Variants in CADPS2 observed in about 807,000 individuals in gnomAD.
The protein encoded by CADPS2 is calcium-dependent secretion activator 2.
A neutral mutation model predicts 172.5 loss-of-function variants in CADPS2; 93 were observed. That is an observed-to-expected ratio of 0.54 (90% CI 0.46 to 0.64). CADPS2 has a LOEUF of 0.64. CADPS2 is among the 30% of genes least tolerant of loss of function. CADPS2 has a pLI of 0.00. For synonymous variants in CADPS2, 546 were observed against 555.2 expected (o/e 0.98, Z 0.23); for missense variants, 1,420 against 1,565.9 (o/e 0.91, Z 1.57).
chr7:122,480,345 A>T (rs1001304480), intron 12 of CADPS2, among the ~76,000 whole-genome samples: 17 of 129,672 alleles, frequency 1.3e-4, no homozygotes, highest in Non-Finnish European at 2.5e-4. Flanking sequence ...TTTTTTAAAA[A>T]ATAAGCTTCT....
intron 1 of CADPS2, among the ~76,000 whole-genome samples, chr7:122,764,623 G>A (rs1040198263): frequency 3.3e-5 from 5 of 152,102 alleles, no homozygotes; most frequent in African/African-American, 9.7e-5. Context: ...CAGAGAGGGA[G>A]AGGAAAGAGT....
intron 25 of CADPS2, among the ~76,000 whole-genome samples, chr7:122,374,683 T>C (rs2042145195): frequency 6.6e-6 from 1 of 151,808 alleles, no homozygotes; most frequent in African/African-American, 2.4e-5. Context: ...CGAGAAAACA[T>C]GGACACAGGG....
At chr7:122,484,256 CTAACTG>C (rs1438364792) in intron 11 of CADPS2, among the ~76,000 whole-genome samples, 1 of 152,054 alleles carries the variant, frequency 6.6e-6, no homozygotes, top group Non-Finnish European at 1.5e-5. Flanking sequence ...CTTGGACTAC[CTAACTG>C]TAAGATTTAC....
chr7:122,872,808 GA>G (rs1048974441), intron 1 of CADPS2, among the ~76,000 whole-genome samples: 6 of 151,624 alleles, frequency 4.0e-5, no homozygotes, highest in Non-Finnish European at 4.4e-5. Context: ...TGCAGATCCA[GA>G]AAAAAAATTT....
chr7:122,527,617 A>AGAGAGAGAGAGAGAGAGAGTGTGTGT, intron 8 of CADPS2, among the ~76,000 whole-genome samples: 23 of 83,880 alleles, frequency 2.7e-4, no homozygotes, highest in Non-Finnish European at 5.0e-4. Flanking sequence ...AGAGAGAGAG[A>AGAGAGAGAGAGAGAGAGAGTGTGTGT]GTGTGTGTGT....
At chr7:122,705,430 A>AATATAAAT (rs2086840628) in intron 2 of CADPS2, among the ~76,000 whole-genome samples, 1 of 139,408 alleles carries the variant, frequency 7.2e-6, no homozygotes, top group South Asian at 2.1e-4. Flanking sequence ...GATAATATAT[A>AATATAAAT]ATATGTAATA....
At chr7:122,512,300 G>A (rs2060060594) in intron 9 of CADPS2, among the ~76,000 whole-genome samples, 1 of 152,048 alleles carries the variant, frequency 6.6e-6, no homozygotes, top group South Asian at 2.1e-4. Flanking sequence ...TTCTGATCTA[G>A]TCCAGTTAAG....
At chr7:122,379,876 T>C (rs2042785988) in intron 24 of CADPS2, among the ~76,000 whole-genome samples, 1 of 152,174 alleles carries the variant, frequency 6.6e-6, no homozygotes, top group South Asian at 2.1e-4. Context: ...TTAAATGTGC[T>C]CTAGAAATAA....
At position 122,689,319 on chromosome 7, in the gene CADPS2, G is replaced by C. The variant is rs369412508; in HGVS notation, c.454-25750C>G. On this transcript the variant is annotated intron_variant, in intron 2 of 29. Transcript: ENST00000449022. Reference sequence around the variant, plus strand: ...CCTACAAGGGCACAAGTGCCACCTTGGGCAGCTGTGGCTATGTCTAAGGCC... The same window carrying C: ...CCTACAAGGGCACAAGTGCCACCTTCGGCAGCTGTGGCTATGTCTAAGGCC... 1.2e-4 allele frequency among the ~76,000 whole-genome samples: 18 copies of C among 152,234 alleles called. No individual in the cohort carries two copies. In the East Asian group the frequency reaches 3.5e-3, roughly 29 times the overall value.
At chr7:122,343,271 C>T (rs899424220) in intron 28 of CADPS2, among the ~76,000 whole-genome samples, 4 of 152,154 alleles carry the variant, frequency 2.6e-5, no homozygotes, top group South Asian at 2.1e-4. Flanking sequence ...AGTGTTCTAC[C>T]GGGGATATTC....
intron 1 of CADPS2, among the ~76,000 whole-genome samples, chr7:122,788,349 G>A (rs1049745428): frequency 4.6e-5 from 7 of 152,122 alleles, no homozygotes; most frequent in African/African-American, 1.4e-4. Flanking sequence ...AAATGGCCTC[G>A]ATTTATCACC....
At position 122,513,317 on chromosome 7, in the gene CADPS2, T is replaced by C; in HGVS notation, c.1476-2A>G. On this transcript the variant is annotated splice_acceptor_variant, in intron 8 of 29. Coordinates refer to ENST00000449022, the MANE Select transcript of CADPS2 (RefSeq NM_017954.11). LOFTEE classifies it high-confidence loss of function. ...TTCTGTCCAAGGGCATACAGATATC[T>C]GGAAAGAAAAACAAAAGCCAAAGAA... The C allele has an allele frequency of 6.4e-7, 1 of 1,554,408 alleles. No homozygotes were observed. Among genetic ancestry groups the C allele is most frequent in the Non-Finnish European group, 8.7e-7 (1 of 1,147,288 alleles).
At chr7:122,383,765 T>TG (rs2043288557) in intron 24 of CADPS2, among the ~76,000 whole-genome samples, 1 of 152,126 alleles carries the variant, frequency 6.6e-6, no homozygotes. Context: ...GCTAATCAGA[T>TG]GCCAGTGAAT....
In CADPS2 at chr7:122,602,472, T is replaced by C. The variant is rs191179964; in HGVS notation, c.1223+12709A>G. On this transcript the variant is annotated intron_variant, in intron 6 of 29. Coordinates refer to ENST00000449022, the MANE Select transcript of CADPS2 (RefSeq NM_017954.11). ...TAGCATGAATATAAAAATGGAAATA[T>C]AATACATTGTATTGACTTTGTGCTA... is the stretch of plus-strand genomic sequence containing the variant. 1.8e-4 allele frequency among the ~76,000 whole-genome samples: 28 copies of C among 152,198 alleles called. No individual in the cohort carries two copies. The East Asian group carries it at 5.2e-3, about 28-fold the overall frequency.
At chr7:122,550,010 A>G (rs2064058425) in intron 8 of CADPS2, among the ~76,000 whole-genome samples, 1 of 152,162 alleles carries the variant, frequency 6.6e-6, no homozygotes, top group African/African-American at 2.4e-5. Flanking sequence ...AAACTTTACT[A>G]GAGTGCAGTC....
At position 122,565,621 on chromosome 7, in the gene CADPS2, T is replaced by A. The variant is rs945356302; in HGVS notation, c.1336-10932A>T. 2.6e-5 allele frequency among the ~76,000 whole-genome samples: 4 copies of A among 152,170 alleles called. No individual in the cohort carries two copies. In the East Asian group the frequency reaches 7.7e-4, roughly 29 times the overall value. On this transcript the variant is annotated intron_variant, in intron 7 of 29. Coordinates refer to ENST00000449022, the MANE Select transcript of CADPS2 (RefSeq NM_017954.11). Reference sequence around the variant, plus strand: ...GAGTTCTTGACTCATACAACGCATATAATACAAACCATCAGGGAATAAGAG... The same window carrying A: ...GAGTTCTTGACTCATACAACGCATAAAATACAAACCATCAGGGAATAAGAG...
chr7:122,856,794 G>GA (rs954726844), intron 1 of CADPS2, among the ~76,000 whole-genome samples: 2 of 152,112 alleles, frequency 1.3e-5, no homozygotes, highest in South Asian at 2.1e-4. Context: ...GTTAAAAAAT[G>GA]AAACAAGCCA....
chr7:122,535,431 A>G (rs2131424283), intron 8 of CADPS2, among the ~76,000 whole-genome samples: 1 of 152,204 alleles, frequency 6.6e-6, no homozygotes, highest in East Asian at 1.9e-4. Context: ...TCTGGATGTC[A>G]GAGATGTAAG....
chr7:122,776,476 G>T (rs2093885663), intron 1 of CADPS2, among the ~76,000 whole-genome samples: 1 of 151,922 alleles, frequency 6.6e-6, no homozygotes, highest in South Asian at 2.1e-4. Context: ...TGGTAGAGTG[G>T]GGTACTGCTA....
Sources: allele counts gnomAD v4.1 joint callset (sites outside exome capture counted in the v4.1 genomes callset), GRCh38; gene constraint gnomAD v4.1.1; transcripts MANE v1.5; gene names NCBI Gene and HGNC (gene_info 2026-07-23, HGNC 2026-07-21).